Variants in XKRX observed in about 807,000 individuals in gnomAD.
The protein encoded by XKRX is XK related X-linked, also known as XK-related protein 2.
A neutral mutation model predicts 22.4 loss-of-function variants in XKRX; 11 were observed. The ratio of observed to expected loss-of-function variants is 0.49; its 90% CI spans 0.31 to 0.81. The LOEUF (loss-of-function observed/expected upper bound fraction) is 0.81, where lower values mean the gene tolerates loss of function less well. XKRX is among the 40% of genes least tolerant of loss of function. XKRX has a pLI of 0.05. For missense variants in XKRX, 320 were observed against 336.5 expected (o/e 0.95, Z 0.38); for synonymous variants, 114 against 132.2 (o/e 0.86, Z 0.94).
the XKRX span, among the ~76,000 whole-genome samples, chrX:100,901,846 A>G: frequency 9.0e-6 from 1 of 110,759 alleles, no homozygotes; most frequent in Non-Finnish European, 1.9e-5. Context: ...CCAAAAATAC[A>G]AAATTAGCCA....
At chrX:100,888,245 G>C in the XKRX span, 1 of 847,654 alleles carries the variant, frequency 1.2e-6, no homozygotes, top group Non-Finnish European at 1.7e-6. Context: ...ATGTTTTTCA[G>C]TGTTTTCTTT....
chrX:100,946,433 C>A, the XKRX span, among the ~76,000 whole-genome samples: 1 of 111,380 alleles, frequency 9.0e-6, no homozygotes, highest in East Asian at 2.8e-4. Flanking sequence ...AAATTGAGAC[C>A]TCATCTGTAT....
chrX:100,888,843 G>A, the XKRX span, among the ~76,000 whole-genome samples: 2 of 110,395 alleles, frequency 1.8e-5, no homozygotes, highest in African/African-American at 6.6e-5. Context: ...GTGTGCTAGA[G>A]GAACAGCAAG....
the XKRX span, among the ~76,000 whole-genome samples, chrX:100,906,712 G>A: frequency 2.3e-5 from 2 of 86,651 alleles, no homozygotes; most frequent in Non-Finnish European, 4.5e-5. Context: ...AACAGTTCTG[G>A]AGATCAGAAG....
At chrX:100,892,272 T>C in the XKRX span, among the ~76,000 whole-genome samples, 5 of 111,987 alleles carry the variant, frequency 4.5e-5, no homozygotes, top group African/African-American at 1.3e-4. Context: ...CTATAGTTAA[T>C]AATAATTTAA....
upstream of XKRX, among the ~76,000 whole-genome samples, chrX:100,930,412 G>A (rs1373715788): frequency 1.8e-5 from 2 of 110,356 alleles, no homozygotes; most frequent in Non-Finnish European, 3.8e-5. Context: ...TGGCCAAGTA[G>A]CAGCCACCAA....
the XKRX span, chrX:100,957,165 G>T: frequency 1.8e-6 from 2 of 1,100,643 alleles, no homozygotes; most frequent in Non-Finnish European, 2.5e-6. Context: ...GCAGCAGCTG[G>T]TTCACAAAAA....
upstream of XKRX, among the ~76,000 whole-genome samples, chrX:100,932,489 T>G (rs2085524382): frequency 8.9e-6 from 1 of 111,926 alleles, no homozygotes; most frequent in African/African-American, 3.3e-5. Context: ...AAGAACAAGA[T>G]CTGACTCCTT....
At position 100,922,776 on chromosome X, in the gene XKRX, C is replaced by T; in HGVS notation, c.604+17G>A. On this transcript the variant is annotated intron_variant, in intron 2 of 2. Transcript: ENST00000372956. ...CTTGATTTAACTGGAGCCCTCCCCTCTCCTGACCCCACTCACCTCTACCCA... is the reference window on the plus strand; with the variant it reads ...CTTGATTTAACTGGAGCCCTCCCCTTTCCTGACCCCACTCACCTCTACCCA... 1 of 1,204,614 alleles carries T rather than the reference C, an allele frequency of 8.3e-7. No homozygotes were observed. Among genetic ancestry groups the T allele is most frequent in the Non-Finnish European group, 1.1e-6 (1 of 890,490 alleles).
Position 100,914,819 on chromosome X carries a change from C to T in XKRX, c.869G>A (p.Arg290Lys). ...ILFEPWIKFW[R>K]SGAQMPNNIE... Reference sequence around the variant, plus strand: ...GTTATTGGGCATCTGGGCACCACTTCTCCAGAACTTAATCCAGGGCTCAAA... The same window carrying T: ...GTTATTGGGCATCTGGGCACCACTTTTCCAGAACTTAATCCAGGGCTCAAA... The change falls in exon 3 of 3, where the codon AGA becomes AAA. Residue 290 changes from arginine to lysine, a missense_variant. Arg to Lys is a conservative substitution (Grantham distance 26, BLOSUM62 2). Transcript: ENST00000372956. 8.3e-7 allele frequency: 1 copy of T among 1,211,774 alleles called. No homozygotes were observed. The highest frequency in any genetic ancestry group is 1.7e-5 in the African/African-American group (1 of 57,774).
chrX:100,891,124 T>C, the XKRX span, among the ~76,000 whole-genome samples: 10 of 111,957 alleles, frequency 8.9e-5, no homozygotes, highest in East Asian at 1.7e-3. Flanking sequence ...TATCACATTA[T>C]AGCTGTTGCA....
downstream of XKRX, among the ~76,000 whole-genome samples, chrX:100,909,808 C>T (rs934780786): frequency 6.1e-5 from 6 of 97,827 alleles, no homozygotes; most frequent in African/African-American, 1.5e-4. Context: ...GAGGCTGAGG[C>T]GGGAGAATCA....
chrX:100,889,031 G>A, the XKRX span, among the ~76,000 whole-genome samples: 6 of 109,795 alleles, frequency 5.5e-5, no homozygotes, highest in Admixed American at 3.9e-4. Flanking sequence ...GTGAGGTCAG[G>A]AGTTCGAGAC....
At chrX:100,929,305 G>A (rs1397026793), upstream of XKRX, 1 of 111,888 alleles carries the variant, frequency 8.9e-6, no homozygotes, top group Non-Finnish European at 1.9e-5. Flanking sequence ...AAACCAGCCG[G>A]AGAGTTCCCG....
downstream of XKRX, chrX:100,911,317 C>G: frequency 1.1e-6 from 1 of 946,323 alleles, no homozygotes; most frequent in Non-Finnish European, 1.5e-6. Flanking sequence ...AGAAGAATCC[C>G]TCATTCCCAC....
At chrX:100,905,079 A>G in the XKRX span, among the ~76,000 whole-genome samples, 1 of 112,060 alleles carries the variant, frequency 8.9e-6, no homozygotes, top group African/African-American at 3.2e-5. Context: ...CCCAACATCT[A>G]TGGGAGGTAG....
chrX:100,891,657 G>A, the XKRX span, among the ~76,000 whole-genome samples: 64 of 108,240 alleles, frequency 5.9e-4, no homozygotes, highest in African/African-American at 2.0e-3. Flanking sequence ...TTGGGAGCCC[G>A]AGGCAGGTGG....
rs1475680537 is a variant in XKRX, at chrX:100,928,857, A to G, written c.-553T>C. ...ATTCAGTTCAGTGCCTAGGTATCCT[A>G]GCTATTGCTAGGCTGTAGCTATCAG... On this transcript the variant is annotated 5_prime_UTR_variant, in exon 1 of 3. Coordinates refer to ENST00000372956, the MANE Select transcript of XKRX (RefSeq NM_212559.3). The G allele has an allele frequency of 2.5e-5, 19 of 752,441 alleles. No homozygotes were observed. The Admixed American group carries it at 1.7e-3, about 66-fold the overall frequency. The allele number at this position is 752,441 out of a possible 1,213,427, so 62.0% of individuals were successfully genotyped here. A position where few individuals can be genotyped will look rare whatever the true frequency, so the allele number is the denominator to read the frequency against.
chrX:100,905,445 T>C, the XKRX span, among the ~76,000 whole-genome samples: 45 of 112,246 alleles, frequency 4.0e-4, no homozygotes, highest in Non-Finnish European at 6.9e-4. Context: ...ATCATTTTCA[T>C]ACATATTTAC....
Sources: allele counts gnomAD v4.1 joint callset (sites outside exome capture counted in the v4.1 genomes callset), GRCh38; gene constraint gnomAD v4.1.1; transcripts MANE v1.5; gene names NCBI Gene and HGNC (gene_info 2026-07-23, HGNC 2026-07-21).